SORCS2: variants seen among roughly 807,000 people sequenced by gnomAD.
The protein encoded by SORCS2 is sortilin related VPS10 domain containing receptor 2, also known as VPS10 domain-containing receptor SorCS2.
A neutral mutation model predicts 141.6 loss-of-function variants in SORCS2; 100 were observed. That is an observed-to-expected ratio of 0.71 (90% CI 0.60 to 0.83). SORCS2 has a LOEUF of 0.83. Ranked by LOEUF, SORCS2 falls within the 40% of genes least tolerant of loss-of-function variation. The pLI, the probability that SORCS2 is intolerant of heterozygous loss-of-function variation, is 0.00. For missense variants in SORCS2, 1,646 were observed against 1,560.2 expected, an observed-to-expected ratio of 1.05 and a Z score of -0.93; for synonymous variants, 789 against 676.9, an observed-to-expected ratio of 1.17 and a Z score of -2.57.
intron 2 of SORCS2, among the ~76,000 whole-genome samples, chr4:7,460,344 C>G (rs1362061677): frequency 2.0e-5 from 3 of 152,258 alleles, no homozygotes; most frequent in Admixed American, 6.5e-5. Context: ...CAACCCCAGT[C>G]GGTGGCCAAC....
chr4:7,198,446 C>G (rs1727293911), intron 1 of SORCS2, among the ~76,000 whole-genome samples: 1 of 152,178 alleles, frequency 6.6e-6, no homozygotes, highest in African/African-American at 2.4e-5. Flanking sequence ...GCTGAACTTG[C>G]TGTGCGTTAC....
chr4:7,255,628 A>G (rs1184987359), intron 1 of SORCS2, among the ~76,000 whole-genome samples: 2 of 152,180 alleles, frequency 1.3e-5, no homozygotes, highest in Non-Finnish European at 2.9e-5. Flanking sequence ...TCGTCTTCTC[A>G]GGCTTGGATC....
At chr4:7,424,836 G>A (rs1026915980) in intron 2 of SORCS2, among the ~76,000 whole-genome samples, 2 of 152,218 alleles carry the variant, frequency 1.3e-5, no homozygotes, top group Admixed American at 6.5e-5. Context: ...CAGTGAGTGC[G>A]TGTTGGGGCC....
chr4:7,490,123 G>A (rs1230010492), intron 2 of SORCS2, among the ~76,000 whole-genome samples: 1 of 152,184 alleles, frequency 6.6e-6, no homozygotes, highest in Non-Finnish European at 1.5e-5. Context: ...GCTGGCTGGG[G>A]AGGGGTGCTG....
At chr4:7,704,073 G>C (rs966330161) in intron 13 of SORCS2, 104 bp from the exon 14 acceptor site, 7 of 934,920 alleles carry the variant, frequency 7.5e-6, no homozygotes, top group Non-Finnish European at 1.2e-5. Context: ...GGCAAGGTTG[G>C]CTAGTGCAGC....
At position 7,513,934 on chromosome 4, in the gene SORCS2, G is replaced by A. The variant is rs796947934; in HGVS notation, c.549-17596G>A. On this transcript the variant is annotated intron_variant, in intron 2 of 26. Transcript: ENST00000507866. ...GTGGCTGGAGGCGGGTGACGTGGTCGTGCAGAGACTGAATCAGGGCTGTGG... is the reference window on the plus strand; with the variant it reads ...GTGGCTGGAGGCGGGTGACGTGGTCATGCAGAGACTGAATCAGGGCTGTGG... Among the ~76,000 whole-genome samples the A allele has an allele frequency of 7.9e-5, 12 of 152,316 alleles. No individual in the cohort carries two copies. The South Asian group carries it at 1.2e-3, about 16-fold the overall frequency.
intron 2 of SORCS2, among the ~76,000 whole-genome samples, chr4:7,398,568 G>C (rs1197460425): frequency 6.6e-6 from 1 of 152,166 alleles, no homozygotes; most frequent in Non-Finnish European, 1.5e-5. Context: ...TCTCACCAAA[G>C]TTCACCCACA....
chr4:7,375,936 A>G (rs1722616490), intron 1 of SORCS2, among the ~76,000 whole-genome samples: 1 of 152,218 alleles, frequency 6.6e-6, no homozygotes, highest in African/African-American at 2.4e-5. Flanking sequence ...GTGGCAAATG[A>G]GGATAGTAAT....
chr4:7,331,934 C>T (rs1719679013), intron 1 of SORCS2, among the ~76,000 whole-genome samples: 1 of 152,142 alleles, frequency 6.6e-6, no homozygotes, highest in African/African-American at 2.4e-5. Flanking sequence ...GGGGCTGGAG[C>T]CTGGGTCTGT....
At chr4:7,292,385 C>G (rs897040136) in intron 1 of SORCS2, among the ~76,000 whole-genome samples, 1 of 152,152 alleles carries the variant, frequency 6.6e-6, no homozygotes, top group Non-Finnish European at 1.5e-5. Context: ...ATTGAGTGCT[C>G]GGGAGATAAG....
intron 2 of SORCS2, among the ~76,000 whole-genome samples, chr4:7,519,421 C>T (rs931426665): frequency 3.9e-5 from 6 of 152,178 alleles, no homozygotes; most frequent in African/African-American, 1.2e-4. Flanking sequence ...AATAGAGTCT[C>T]GTTTCATCCT....
intron 1 of SORCS2, among the ~76,000 whole-genome samples, chr4:7,241,844 T>C (rs556731660): frequency 1.3e-5 from 2 of 152,354 alleles, no homozygotes; most frequent in Admixed American, 1.3e-4. Context: ...TGCGTGTGTG[T>C]GTGGCCTTGC....
At chr4:7,620,097 G>T (rs1190138323) in intron 3 of SORCS2, among the ~76,000 whole-genome samples, 1 of 151,450 alleles carries the variant, frequency 6.6e-6, no homozygotes, top group Non-Finnish European at 1.5e-5. Flanking sequence ...CATCTGCTGG[G>T]CTGGGGACCA....
At chr4:7,331,866 G>T (rs1719675264) in intron 1 of SORCS2, among the ~76,000 whole-genome samples, 1 of 152,184 alleles carries the variant, frequency 6.6e-6, no homozygotes, top group African/African-American at 2.4e-5. Context: ...GGACACTGAG[G>T]CTGCAAGAGC....
At chr4:7,617,515 A>G (rs1344287150) in intron 3 of SORCS2, among the ~76,000 whole-genome samples, 3 of 152,202 alleles carry the variant, frequency 2.0e-5, no homozygotes, top group African/African-American at 4.8e-5. Flanking sequence ...TCACAGCCCA[A>G]TGAGACTCTG....
At chr4:7,660,723 G>A (rs1341377176) in intron 5 of SORCS2, among the ~76,000 whole-genome samples, 1 of 152,240 alleles carries the variant, frequency 6.6e-6, no homozygotes, top group East Asian at 1.9e-4. Flanking sequence ...TATGAATGCA[G>A]ATGAAGGCAC....
Position 7,277,788 on chromosome 4 carries a change from C to T in SORCS2, c.480+84662C>T, listed in dbSNP as rs935848783. Among the ~76,000 whole-genome samples the T allele has an allele frequency of 5.9e-5, 9 of 152,178 alleles. No individual in the cohort carries two copies. The South Asian group carries it at 1.5e-3, about 25-fold the overall frequency. On this transcript the variant is annotated intron_variant, in intron 1 of 26. Coordinates refer to ENST00000507866, the MANE Select transcript of SORCS2 (RefSeq NM_020777.3). ...CTACCGTGCCCGTCCTCCTGCAGAG[C>T]GCTGGGTGCAGACATTCATCCGCCT...
At chr4:7,455,374 G>A (rs1381823637) in intron 2 of SORCS2, among the ~76,000 whole-genome samples, 11 of 116,190 alleles carry the variant, frequency 9.5e-5, no homozygotes, top group African/African-American at 3.8e-4. Context: ...GGGGTCAGGA[G>A]CTGTGTGTTG....
rs1577304809 is a variant in SORCS2, at chr4:7,233,070, C to T, written c.480+39944C>T. Reference sequence around the variant, plus strand: ...GCATGGGTCAGCTGAGCCCAGGAGTCAGGCTTCGGCACCCGCATGTTCAAC... The same window carrying T: ...GCATGGGTCAGCTGAGCCCAGGAGTTAGGCTTCGGCACCCGCATGTTCAAC... On this transcript the variant is annotated intron_variant, in intron 1 of 26. Transcript: ENST00000507866. The surrounding 1 kb of genome is among the most constrained non-coding windows in gnomAD (Gnocchi z 4.5). Among the ~76,000 whole-genome samples, 2 of 152,186 alleles carry T rather than the reference C, an allele frequency of 1.3e-5. No individual in the cohort carries two copies. The highest frequency in any genetic ancestry group is 4.1e-4 in the South Asian group (2 of 4,834).
Sources: gnomAD v4.1 joint callset for allele counts (sites outside exome capture counted in the v4.1 genomes callset) on GRCh38, gnomAD v4.1.1 for gene constraint, Gnocchi (gnomAD v3.1) non-coding constraint, MANE v1.5 for transcripts, NCBI Gene and HGNC (gene_info 2026-07-23, HGNC 2026-07-21) for gene names.